Variants in CD38 observed in about 807,000 individuals in gnomAD.
CD38 encodes the protein ADP-ribosyl cyclase/cyclic ADP-ribose hydrolase 1.
Under a neutral mutation model 36.3 loss-of-function variants are expected in CD38, and 31 were observed. That is an observed-to-expected ratio of 0.85 (90% confidence interval 0.64 to 1.15). The LOEUF (loss-of-function observed/expected upper bound fraction) is 1.15. Ranked by LOEUF, CD38 falls within the 50% of genes most tolerant of loss-of-function variation. The pLI, the probability that CD38 is intolerant of heterozygous loss-of-function variation, is 0.00. For missense variants in CD38, 380 were observed against 371.9 expected, an observed-to-expected ratio of 1.02 and a Z score of -0.18; for synonymous variants, 131 against 135.2, an observed-to-expected ratio of 0.97 and a Z score of 0.22.
At chr4:15,836,337 C>A (rs1267176728) in intron 4 of CD38, among the ~76,000 whole-genome samples, 1 of 152,082 alleles carries the variant, frequency 6.6e-6, no homozygotes, top group Non-Finnish European at 1.5e-5. Flanking sequence ...TCCCTGGAGC[C>A]CTTTCATAAG....
intron 1 of CD38, among the ~76,000 whole-genome samples, chr4:15,810,592 A>C (rs1723446772): frequency 6.6e-6 from 1 of 152,216 alleles, no homozygotes; most frequent in African/African-American, 2.4e-5. Flanking sequence ...ATTTTCATTG[A>C]CATTGAAGTA....
chr4:15,780,563 C>CAT (rs1560303879), intron 1 of CD38, among the ~76,000 whole-genome samples: 52 of 149,662 alleles, frequency 3.5e-4, no homozygotes, highest in African/African-American at 1.3e-3. Context: ...CACACACACA[C>CAT]ACACATACAG....
chr4:15,792,432 T>TAAAAAAAAAAAAA (rs1435943010), intron 1 of CD38, among the ~76,000 whole-genome samples: 2 of 54,300 alleles, frequency 3.7e-5, no homozygotes, highest in Non-Finnish European at 7.6e-5. Context: ...AAAAATAAAA[T>TAAAAAAAAAAAAA]AAAATAAAAA....
intron 7 of CD38, among the ~76,000 whole-genome samples, chr4:15,847,920 A>G (rs1724298427): frequency 6.6e-6 from 1 of 152,208 alleles, no homozygotes; most frequent in Non-Finnish European, 1.5e-5. Context: ...TTGTACAGAC[A>G]GTGGCCCATA....
chr4:15,791,576 TG>T (rs1722991708), intron 1 of CD38, among the ~76,000 whole-genome samples: 1 of 36,966 alleles, frequency 2.7e-5, no homozygotes, highest in Non-Finnish European at 5.0e-5. Context: ...GGGAGGGAGG[TG>T]GGGGGGTCAG....
intron 7 of CD38, among the ~76,000 whole-genome samples, chr4:15,847,595 C>CAAA (rs71179666): frequency 1.0e-4 from 4 of 38,170 alleles, no homozygotes; most frequent in Non-Finnish European, 1.3e-4. Flanking sequence ...CTCTCAGAAG[C>CAAA]AAAAAAAAAA....
intron 5 of CD38, among the ~76,000 whole-genome samples, chr4:15,839,274 G>C (rs964777255): frequency 6.6e-6 from 1 of 152,102 alleles, no homozygotes; most frequent in African/African-American, 2.4e-5. Flanking sequence ...TAACAGGGAA[G>C]AGTTTAGGAA....
intron 7 of CD38, among the ~76,000 whole-genome samples, chr4:15,841,584 G>C (rs375617313): frequency 1.3e-5 from 2 of 151,720 alleles, no homozygotes; most frequent in Admixed American, 6.6e-5. Context: ...GAACAGCTCC[G>C]GTCTACAGCT....
At chr4:15,806,957 C>A (rs1723355189) in intron 1 of CD38, among the ~76,000 whole-genome samples, 3 of 152,122 alleles carry the variant, frequency 2.0e-5, no homozygotes, top group Non-Finnish European at 1.5e-5. Context: ...TTATGGCAGT[C>A]CAATTGTCAT....
chr4:15,789,418 A>G (rs571145596), intron 1 of CD38, among the ~76,000 whole-genome samples: 2 of 152,336 alleles, frequency 1.3e-5, no homozygotes, highest in African/African-American at 4.8e-5. Context: ...ACTCAGTTCA[A>G]AGAACATCTT....
chr4:15,811,653 G>A (rs2148921023), intron 1 of CD38, among the ~76,000 whole-genome samples: 1 of 127,706 alleles, frequency 7.8e-6, no homozygotes, highest in African/African-American at 3.6e-5. Flanking sequence ...ACTGAGCAAT[G>A]TGCTTGCTGC....
In CD38 at chr4:15,848,422, A is replaced by T. The variant is rs193208610; in HGVS notation, c.840-117A>T. 1.1e-5 allele frequency: 7 copies of T among 654,948 alleles called. 1 individual carries two copies. The East Asian group carries it at 1.9e-4, about 18-fold the overall frequency. The allele number at this position is 654,948 out of a possible 1,614,324, so 40.6% of individuals were successfully genotyped here. ...CACTGCAGGAGAGGAGTTTATATGG[A>T]TGCTAAGTGGTCTGTGCACCTTGTC... On this transcript the variant is annotated intron_variant, in intron 7 of 7. Coordinates refer to ENST00000226279, the MANE Select transcript of CD38 (RefSeq NM_001775.4).
At chr4:15,808,938 G>A (rs1723403645) in intron 1 of CD38, among the ~76,000 whole-genome samples, 1 of 152,198 alleles carries the variant, frequency 6.6e-6, no homozygotes, top group African/African-American at 2.4e-5. Flanking sequence ...AGGCTGTCTG[G>A]TGAAGTGTCT....
chr4:15,808,629 G>A (rs1240260817), intron 1 of CD38, among the ~76,000 whole-genome samples: 5 of 152,142 alleles, frequency 3.3e-5, no homozygotes, highest in East Asian at 1.9e-4. Flanking sequence ...ATCAGTGTGG[G>A]GTGATTTCTC....
At chr4:15,840,742 C>T (rs1724189219) in intron 7 of CD38, among the ~76,000 whole-genome samples, 1 of 152,186 alleles carries the variant, frequency 6.6e-6, no homozygotes, top group East Asian at 1.9e-4. Context: ...CTTCACTTGG[C>T]TGCCTTTCCT....
intron 5 of CD38, among the ~76,000 whole-genome samples, chr4:15,838,544 T>C (rs1280287057): frequency 1.3e-5 from 2 of 152,170 alleles, no homozygotes; most frequent in Non-Finnish European, 2.9e-5. Flanking sequence ...CCCTTCTGTC[T>C]AAATCTTCAC....
At chr4:15,779,413 A>G (rs1577627555) in intron 1 of CD38, among the ~76,000 whole-genome samples, 1 of 152,168 alleles carries the variant, frequency 6.6e-6, no homozygotes, top group African/African-American at 2.4e-5. Flanking sequence ...AACCTCTCCT[A>G]AAGGGAACAA....
intron 4 of CD38, 73 bp downstream of exon 4, chr4:15,834,375 G>A (rs1724021891): frequency 1.1e-6 from 1 of 879,578 alleles, no homozygotes; most frequent in African/African-American, 1.7e-5. Context: ...TCAGTGCTTG[G>A]TTTTAACACT....
intron 1 of CD38, among the ~76,000 whole-genome samples, chr4:15,803,499 T>C (rs138616570): frequency 2.0e-4 from 30 of 152,244 alleles, no homozygotes; most frequent in Middle Eastern, 3.4e-3. Flanking sequence ...AGACATAAAA[T>C]GGCCACTAAG....
Sources: allele counts gnomAD v4.1 joint callset (sites outside exome capture counted in the v4.1 genomes callset), GRCh38; gene constraint gnomAD v4.1.1; transcripts MANE v1.5; gene names NCBI Gene and HGNC (gene_info 2026-07-23, HGNC 2026-07-21).